RAP1GAP2: variants seen among roughly 807,000 people sequenced by gnomAD.
RAP1GAP2 encodes RAP1 GTPase activating protein 2, also known as rap1 GTPase-activating protein 2.
RAP1GAP2 carries 27 observed loss-of-function variants against 95.0 expected under a neutral mutation model. The observed-to-expected ratio is 0.28, with a 90% CI of 0.21 to 0.39. The LOEUF is 0.39. Ranked by LOEUF, RAP1GAP2 falls within the 10% of genes least tolerant of loss-of-function variation. The pLI, the probability that RAP1GAP2 is intolerant of heterozygous loss-of-function variation, is 1.00. For synonymous variants in RAP1GAP2, 373 were observed against 380.9 expected (o/e 0.98, Z 0.24); for missense variants, 771 against 970.0 (o/e 0.79, Z 2.72).
chr17:2,803,011 G>A (rs559663431), intron 2 of RAP1GAP2, among the ~76,000 whole-genome samples: 3 of 152,168 alleles, frequency 2.0e-5, no homozygotes, highest in Admixed American at 6.6e-5. Context: ...TGAGTGAGAC[G>A]CCAGGCATGA....
rs762270339 is a variant in RAP1GAP2, at chr17:3,008,450, A to T, written c.1494+305A>T. On this transcript the variant is annotated intron_variant, in intron 17 of 24. Transcript: ENST00000254695. The surrounding 1 kb of genome is among the most constrained non-coding windows in gnomAD (Gnocchi z 4.2). ...GTAGCAGTAGGAGAGGAGCTGGAGCAAGCCAGGAACATCGGCGCTTTCACC... is the reference window on the plus strand; with the variant it reads ...GTAGCAGTAGGAGAGGAGCTGGAGCTAGCCAGGAACATCGGCGCTTTCACC... Among the ~76,000 whole-genome samples, 12 of 152,222 alleles carry T rather than the reference A, an allele frequency of 7.9e-5. No individual in the cohort carries two copies. Among genetic ancestry groups the T allele is most frequent in the Non-Finnish European group, 1.3e-4 (9 of 68,034 alleles).
chr17:2,935,325 T>A (rs2043271262), intron 3 of RAP1GAP2, among the ~76,000 whole-genome samples: 1 of 152,166 alleles, frequency 6.6e-6, no homozygotes, highest in African/African-American at 2.4e-5. Context: ...CTGACCAACA[T>A]GGTGAAACCC....
intron 2 of RAP1GAP2, among the ~76,000 whole-genome samples, chr17:2,859,933 G>GTT (rs1254637367): frequency 1.2e-4 from 17 of 143,046 alleles, no homozygotes; most frequent in South Asian, 2.2e-4. Flanking sequence ...TTGATTGTTT[G>GTT]TTTTTTTTTT....
At chr17:2,761,442 C>A (rs2071247450) in intron 1 of RAP1GAP2, among the ~76,000 whole-genome samples, 1 of 151,994 alleles carries the variant, frequency 6.6e-6, no homozygotes, top group Non-Finnish European at 1.5e-5. Flanking sequence ...GCATGTGCCA[C>A]CACTCCCAGC....
intron 2 of RAP1GAP2, among the ~76,000 whole-genome samples, chr17:2,840,345 G>A (rs2071319748): frequency 6.6e-6 from 1 of 151,230 alleles, no homozygotes; most frequent in African/African-American, 2.4e-5. Context: ...TGTATTTTTA[G>A]TAGAGGTGGG....
chr17:2,983,726 A>T (rs1319753101), intron 10 of RAP1GAP2, among the ~76,000 whole-genome samples: 1 of 152,196 alleles, frequency 6.6e-6, no homozygotes, highest in Non-Finnish European at 1.5e-5. Flanking sequence ...GTGAAAAATG[A>T]TACTCAGTTT....
At chr17:2,835,251 G>A (rs886486015) in intron 2 of RAP1GAP2, among the ~76,000 whole-genome samples, 1 of 150,798 alleles carries the variant, frequency 6.6e-6, no homozygotes, top group Non-Finnish European at 1.5e-5. Flanking sequence ...ATGGAGTCTC[G>A]CTCTGTCACC....
chr17:2,763,648 A>G (rs1351426463), intron 1 of RAP1GAP2, among the ~76,000 whole-genome samples: 1 of 152,006 alleles, frequency 6.6e-6, no homozygotes, highest in African/African-American at 2.4e-5. Context: ...ATGAGCCGAG[A>G]TTGTACCACT....
At chr17:2,889,884 TATATA>T (rs1242885482) in intron 2 of RAP1GAP2, among the ~76,000 whole-genome samples, 2,143 of 68,620 alleles carry the variant, frequency 0.031, 82 homozygotes, top group African/African-American at 0.089. Flanking sequence ...TATATATATA[TATATA>T]TTTTTTTTTT....
At chr17:2,973,637 C>T (rs1422102559) in intron 8 of RAP1GAP2, among the ~76,000 whole-genome samples, 1 of 151,908 alleles carries the variant, frequency 6.6e-6, no homozygotes, top group African/African-American at 2.4e-5. Flanking sequence ...GAAGATAGAC[C>T]CAAGGAATTC....
rs190663394 is a variant in RAP1GAP2 at position 3,003,377 on chromosome 17, C to T, written c.1201-1992C>T. Among the ~76,000 whole-genome samples, 1 of 152,152 alleles carries T rather than the reference C, an allele frequency of 6.6e-6. No individual in the cohort carries two copies. The highest frequency in any genetic ancestry group is 1.5e-5 in the Non-Finnish European group (1 of 68,028). On this transcript the variant is annotated intron_variant, in intron 14 of 24. Transcript: ENST00000254695. The surrounding 1 kb of genome is among the most constrained non-coding windows in gnomAD (Gnocchi z 4.1). The stretch of plus-strand genomic sequence containing the variant: ...CCAGGACTACCCCTTTCCCTCCCCC[C>T]TATCCCTGCCTCCCTCTCCGGAAGT...
intron 2 of RAP1GAP2, among the ~76,000 whole-genome samples, chr17:2,880,452 C>CTT (rs144962259): frequency 7.3e-5 from 10 of 137,906 alleles, no homozygotes; most frequent in East Asian, 2.1e-4. Flanking sequence ...TCACCTTCTT[C>CTT]TTTTTTTTTT....
Position 3,008,165 on chromosome 17 carries a change from T to G in RAP1GAP2, c.1494+20T>G. ...TTTAAGGTATGAGCGTCAGAGTGAC[T>G]GATGGTTGCTGTGGGGTTGGGATTG... On this transcript the variant is annotated intron_variant, in intron 17 of 24. Transcript: ENST00000254695. The surrounding 1 kb of genome is among the most constrained non-coding windows in gnomAD (Gnocchi z 4.2). 1.2e-6 allele frequency: 2 copies of G among 1,613,452 alleles called. No homozygotes were observed. Among genetic ancestry groups the G allele is most frequent in the Non-Finnish European group, 1.7e-6 (2 of 1,179,536 alleles).
At position 2,902,147 on chromosome 17, in the gene RAP1GAP2, G is replaced by A. The variant is rs1036598944; in HGVS notation, c.81-3137G>A. ...CCTCAGCATGCGTTGGCTTGCAGCC[G>A]CATCACTCCTGTGTCTGCCTGAGAA... is the stretch of plus-strand genomic sequence containing the variant. On this transcript the variant is annotated intron_variant, in intron 2 of 24. Transcript: ENST00000254695. The surrounding 1 kb of genome is among the most constrained non-coding windows in gnomAD (Gnocchi z 4.1). Among the ~76,000 whole-genome samples, 4 of 152,114 alleles carry A rather than the reference G, an allele frequency of 2.6e-5. No homozygotes were observed. Among genetic ancestry groups the A allele is most frequent in the African/African-American group, 9.7e-5 (4 of 41,422 alleles).
intron 17 of RAP1GAP2, among the ~76,000 whole-genome samples, chr17:3,016,752 G>A (rs1289044012): frequency 6.6e-6 from 1 of 152,186 alleles, no homozygotes; most frequent in Non-Finnish European, 1.5e-5. Context: ...AGCCCTGTGT[G>A]TATTCTCACA....
intron 3 of RAP1GAP2, among the ~76,000 whole-genome samples, chr17:2,939,882 C>A (rs1460935459): frequency 6.6e-6 from 1 of 152,264 alleles, no homozygotes; most frequent in Non-Finnish European, 1.5e-5. Flanking sequence ...CAAAGGTCAG[C>A]GCTAGTCAGC....
chr17:2,985,821 C>T (rs1016168331), intron 11 of RAP1GAP2, among the ~76,000 whole-genome samples: 2 of 152,098 alleles, frequency 1.3e-5, no homozygotes, highest in Admixed American at 6.6e-5. Context: ...AGGTAAAGGG[C>T]TCTTTATAAC....
rs1016416607 is a variant in RAP1GAP2 at position 2,904,379 on chromosome 17, G to A, written c.81-905G>A. On this transcript the variant is annotated intron_variant, in intron 2 of 24. Transcript: ENST00000254695. The surrounding 1 kb of genome is among the most constrained non-coding windows in gnomAD (Gnocchi z 4.7). Reference sequence around the variant, plus strand: ...GATGGAAAGTGGGGAGTGTGTGAGCGCGGCAAACTTGTCGCAGTCATGTTG... The same window carrying A: ...GATGGAAAGTGGGGAGTGTGTGAGCACGGCAAACTTGTCGCAGTCATGTTG... Among the ~76,000 whole-genome samples the A allele has an allele frequency of 9.9e-5, 15 of 152,090 alleles. 1 individual carries two copies. Among genetic ancestry groups the A allele is most frequent in the South Asian group, 2.1e-4 (1 of 4,832 alleles).
intron 17 of RAP1GAP2, among the ~76,000 whole-genome samples, chr17:3,009,460 A>G (rs938272123): frequency 3.9e-5 from 6 of 152,210 alleles, no homozygotes; most frequent in African/African-American, 1.4e-4. Flanking sequence ...CCAAGCCTCA[A>G]AGAGACAGAA....
Sources: allele counts gnomAD v4.1 joint callset (sites outside exome capture counted in the v4.1 genomes callset), GRCh38; gene constraint gnomAD v4.1.1; non-coding constraint Gnocchi (gnomAD v3.1); transcripts MANE v1.5; gene names NCBI Gene and HGNC (gene_info 2026-07-23, HGNC 2026-07-21).